The following HDAC8 variants were observed in gnomAD, a reference collection of about 807,000 sequenced individuals.
The protein encoded by HDAC8 is histone deacetylase 8.
In HDAC8, 1 loss-of-function variant was observed where a neutral mutation model predicts 32.2. That is an observed-to-expected ratio of 0.03 (90% CI 0.01 to 0.15). HDAC8 has a LOEUF of 0.15. Among genes scored for constraint, HDAC8 ranks in the 10% least tolerant of loss-of-function variants. The probability of loss-of-function intolerance (pLI) is 1.00; values close to 1 mark genes in which losing one functional copy is unlikely to be tolerated. For missense variants in HDAC8, 117 were observed against 300.0 expected (o/e 0.39, Z 4.51); for synonymous variants, 108 against 113.9 (o/e 0.95, Z 0.33).
chrX:72,470,196 A>G (rs1432913903), intron 7 of HDAC8, among the ~76,000 whole-genome samples: 1 of 109,190 alleles, frequency 9.2e-6, no homozygotes, highest in Non-Finnish European at 1.9e-5. Context: ...ATACATACAT[A>G]CATACATAAA....
At chrX:72,559,491 C>G (rs2051427522) in intron 4 of HDAC8, among the ~76,000 whole-genome samples, 1 of 111,519 alleles carries the variant, frequency 9.0e-6, no homozygotes, top group Non-Finnish European at 1.9e-5. Flanking sequence ...CCGGCCGCCA[C>G]CCCGTCTGGG....
intron 9 of HDAC8, among the ~76,000 whole-genome samples, chrX:72,371,943 G>A (rs1774560453): frequency 1.8e-5 from 2 of 110,881 alleles, no homozygotes; most frequent in South Asian, 3.9e-4. Flanking sequence ...GTGCTGCAGA[G>A]GAAAATAAAG....
At chrX:72,500,565 A>G (rs2049177739) in intron 4 of HDAC8, among the ~76,000 whole-genome samples, 1 of 112,063 alleles carries the variant, frequency 8.9e-6, no homozygotes, top group South Asian at 3.7e-4. Flanking sequence ...AAGGCTTTCA[A>G]TAAAATTCAA....
At chrX:72,393,648 G>A (rs2045674842) in intron 9 of HDAC8, among the ~76,000 whole-genome samples, 1 of 111,154 alleles carries the variant, frequency 9.0e-6, no homozygotes, top group African/African-American at 3.3e-5. Context: ...TTCGCTTCTG[G>A]CACCTGTCAG....
chrX:72,369,233 T>C (rs1457042585), intron 9 of HDAC8, among the ~76,000 whole-genome samples: 20 of 109,814 alleles, frequency 1.8e-4, no homozygotes, highest in African/African-American at 6.3e-4. Flanking sequence ...GCCTAACGCA[T>C]GGAGCCTGAC....
At chrX:72,345,689 T>A (rs1159072281) in intron 10 of HDAC8, among the ~76,000 whole-genome samples, 1 of 110,844 alleles carries the variant, frequency 9.0e-6, no homozygotes, top group African/African-American at 3.3e-5. Flanking sequence ...TTAAAAAAAA[T>A]TTTTTTTTGT....
intron 4 of HDAC8, among the ~76,000 whole-genome samples, chrX:72,536,749 C>A (rs967075412): frequency 1.4e-4 from 16 of 112,003 alleles, no homozygotes; most frequent in African/African-American, 5.2e-4. Flanking sequence ...TTGTTCCCAA[C>A]CTTTTTTGGC....
chrX:72,485,888 G>T (rs1445901529), intron 7 of HDAC8, among the ~76,000 whole-genome samples: 1 of 110,860 alleles, frequency 9.0e-6, no homozygotes, highest in Non-Finnish European at 1.9e-5. Context: ...TTGGGAGGCC[G>T]AGGTGGGTGG....
chrX:72,467,208 A>ACAC (rs1555995186), intron 7 of HDAC8: 3 of 110,143 alleles, frequency 2.7e-5, no homozygotes, highest in African/African-American at 1.0e-4. Context: ...ACACACACAC[A>ACAC]CACGTGCATA....
chrX:72,445,374 T>C (rs1196340400), intron 9 of HDAC8, among the ~76,000 whole-genome samples: 11 of 111,218 alleles, frequency 9.9e-5, no homozygotes, highest in Admixed American at 2.9e-4. Flanking sequence ...TTAGAAATAA[T>C]GCCGCATATC....
intron 4 of HDAC8, among the ~76,000 whole-genome samples, chrX:72,536,693 C>T (rs1556039565): frequency 8.9e-6 from 1 of 111,872 alleles, no homozygotes; most frequent in Admixed American, 9.5e-5. Context: ...GGGCTCTGTG[C>T]CTAGAGTTGG....
intron 9 of HDAC8, among the ~76,000 whole-genome samples, chrX:72,388,236 G>C (rs782063712): frequency 9.1e-6 from 1 of 110,007 alleles, no homozygotes; most frequent in East Asian, 2.9e-4. Context: ...ATTTGAAGCA[G>C]GTAGATAACA....
chrX:72,340,185 A>G (rs782358773), intron 10 of HDAC8, among the ~76,000 whole-genome samples: 12 of 111,753 alleles, frequency 1.1e-4, no homozygotes, highest in Non-Finnish European at 2.1e-4. Context: ...CTTCATGTGG[A>G]AGGATGGGCG....
At chrX:72,567,131 C>T (rs1309756801) in intron 4 of HDAC8, among the ~76,000 whole-genome samples, 4 of 111,579 alleles carry the variant, frequency 3.6e-5, no homozygotes, top group Admixed American at 2.8e-4. Context: ...AACGACAGGG[C>T]GAGACTCTGT....
intron 9 of HDAC8, among the ~76,000 whole-genome samples, chrX:72,378,133 T>C (rs1334240838): frequency 3.6e-5 from 4 of 110,948 alleles, no homozygotes; most frequent in Non-Finnish European, 7.5e-5. Context: ...TTCAATAGTA[T>C]ATGTTATGGT....
At chrX:72,559,598 C>G (rs1308103584) in intron 4 of HDAC8, among the ~76,000 whole-genome samples, 10 of 107,282 alleles carry the variant, frequency 9.3e-5, no homozygotes, top group African/African-American at 2.7e-4. Context: ...TGCCTCTTCC[C>G]GGCCGCCATC....
intron 7 of HDAC8, among the ~76,000 whole-genome samples, chrX:72,477,038 G>C (rs1356936712): frequency 8.9e-6 from 1 of 111,902 alleles, no homozygotes; most frequent in African/African-American, 3.2e-5. Flanking sequence ...AGAAACACAA[G>C]TGCCTTTCTG....
intron 4 of HDAC8, among the ~76,000 whole-genome samples, chrX:72,499,889 T>G (rs965039545): frequency 9.0e-6 from 1 of 111,293 alleles, no homozygotes; most frequent in Non-Finnish European, 1.9e-5. Context: ...CTAGCTAGAC[T>G]AATAAAGAAG....
chrX:72,400,689 G>T (rs1555967110), intron 9 of HDAC8, among the ~76,000 whole-genome samples: 1 of 112,056 alleles, frequency 8.9e-6, no homozygotes, highest in Non-Finnish European at 1.9e-5. Flanking sequence ...ATGCCTTTTA[G>T]TACATTCATA....
Sources: allele counts gnomAD v4.1 joint callset (sites outside exome capture counted in the v4.1 genomes callset), GRCh38; gene constraint gnomAD v4.1.1; transcripts MANE v1.5; gene names NCBI Gene and HGNC (gene_info 2026-07-23, HGNC 2026-07-21).